The following BMPR1B variants were observed in gnomAD, a reference collection of about 807,000 sequenced individuals.
BMPR1B encodes the protein bone morphogenetic protein receptor type 1B, also known as bone morphogenetic protein receptor type-1B.
BMPR1B carries 12 observed loss-of-function variants against 59.1 expected under a neutral mutation model. The observed-to-expected ratio is 0.20, with a 90% CI of 0.13 to 0.33. The LOEUF (loss-of-function observed/expected upper bound fraction) is 0.33, where lower values mean the gene tolerates loss of function less well. Among genes scored for constraint, BMPR1B ranks in the 10% least tolerant of loss-of-function variants. BMPR1B has a pLI of 1.00. For synonymous variants in BMPR1B, 237 were observed against 207.3 expected (o/e 1.14, Z -1.23); for missense variants, 550 against 610.9 (o/e 0.90, Z 1.05).
intron 3 of BMPR1B, among the ~76,000 whole-genome samples, chr4:95,012,004 G>A (rs567711801): frequency 3.9e-4 from 59 of 151,390 alleles, no homozygotes; most frequent in African/African-American, 1.4e-3. Flanking sequence ...GGGCAACAGA[G>A]CAAGACTCTG....
At chr4:94,920,474 C>T (rs1267494160) in intron 2 of BMPR1B, among the ~76,000 whole-genome samples, 1 of 152,120 alleles carries the variant, frequency 6.6e-6, no homozygotes, top group African/African-American at 2.4e-5. Flanking sequence ...TTCACACAGC[C>T]GGCTACATTG....
intron 2 of BMPR1B, among the ~76,000 whole-genome samples, chr4:94,919,939 T>A (rs1352234895): frequency 6.6e-6 from 1 of 152,206 alleles, no homozygotes; most frequent in Non-Finnish European, 1.5e-5. Context: ...TTCTTTATTC[T>A]GTTGTTTGAA....
intron 3 of BMPR1B, among the ~76,000 whole-genome samples, chr4:95,006,376 C>CA (rs558859893): frequency 0.73 from 97,662 of 134,436 alleles, 35,367 homozygotes; most frequent in East Asian, 0.86. Flanking sequence ...GACTCCATCT[C>CA]AAAAAAAAAA....
At chr4:94,785,388 C>T (rs1293494635) in intron 1 of BMPR1B, among the ~76,000 whole-genome samples, 2 of 152,204 alleles carry the variant, frequency 1.3e-5, no homozygotes, top group Admixed American at 6.5e-5. Context: ...GCTGTAAGGA[C>T]TGCTAGTCGT....
At chr4:95,061,952 T>G (rs1727430201) in intron 3 of BMPR1B, among the ~76,000 whole-genome samples, 2 of 152,116 alleles carry the variant, frequency 1.3e-5, no homozygotes, top group Non-Finnish European at 2.9e-5. Context: ...TCTGATGGTT[T>G]AAAAGTGTGT....
intron 2 of BMPR1B, among the ~76,000 whole-genome samples, chr4:94,942,456 AATTTT>A (rs1354677373): frequency 2.0e-5 from 3 of 152,202 alleles, no homozygotes; most frequent in African/African-American, 7.2e-5. Flanking sequence ...AACCTCTGGA[AATTTT>A]ATTATTCATG....
intron 1 of BMPR1B, among the ~76,000 whole-genome samples, chr4:94,837,844 A>C (rs1367408202): frequency 1.4e-5 from 2 of 143,594 alleles, no homozygotes; most frequent in Admixed American, 1.4e-4. Context: ...GCCAGTTTTC[A>C]AAGGGAATGC....
At chr4:94,985,281 G>C (rs972596366) in intron 2 of BMPR1B, among the ~76,000 whole-genome samples, 1 of 152,090 alleles carries the variant, frequency 6.6e-6, no homozygotes, top group African/African-American at 2.4e-5. Context: ...ACTAGATTGT[G>C]ATCATTTCAG....
At chr4:94,979,968 G>A (rs1731172059) in intron 2 of BMPR1B, among the ~76,000 whole-genome samples, 1 of 152,196 alleles carries the variant, frequency 6.6e-6, no homozygotes, top group Non-Finnish European at 1.5e-5. Context: ...GGGGGTACCA[G>A]GTATGCAGCA....
rs1721996968 is a variant in BMPR1B at position 94,767,047 on chromosome 4, A to AT, written c.-183+8984dup. 5.3e-5 allele frequency among the ~76,000 whole-genome samples: 8 copies of AT among 152,228 alleles called. No individual in the cohort carries two copies. In the South Asian group the frequency reaches 1.7e-3, roughly 32 times the overall value. On this transcript the variant is annotated intron_variant, in intron 1 of 12. Transcript: ENST00000515059. The stretch of plus-strand genomic sequence containing the variant: ...GGAGTAGGTGACCTCAGGTTGCTTC[A>AT]TTTTTATGAGTCATTCCAGTCTTCT...
At chr4:95,126,222 G>A (rs1005511167) in intron 8 of BMPR1B, among the ~76,000 whole-genome samples, 1 of 152,164 alleles carries the variant, frequency 6.6e-6, no homozygotes, top group African/African-American at 2.4e-5. Context: ...CTTTGGGGTA[G>A]AGGTTACATT....
At chr4:95,038,343 C>T (rs747045572) in intron 3 of BMPR1B, among the ~76,000 whole-genome samples, 10 of 152,130 alleles carry the variant, frequency 6.6e-5, no homozygotes, top group Non-Finnish European at 8.8e-5. Flanking sequence ...CATAAGCATC[C>T]GGTCTAGGAT....
At chr4:94,802,611 T>G (rs1578660735) in intron 1 of BMPR1B, among the ~76,000 whole-genome samples, 1 of 152,304 alleles carries the variant, frequency 6.6e-6, no homozygotes, top group Admixed American at 6.5e-5. Flanking sequence ...ATGGAGTATC[T>G]TAGTGGAAGT....
chr4:95,061,045 A>AAAATG (rs5860389), intron 3 of BMPR1B, among the ~76,000 whole-genome samples: 146,958 of 151,890 alleles, frequency 0.97, 71,118 homozygotes, highest in Middle Eastern at 0.99. Context: ...GATTGTTGTT[A>AAAATG]TCATTAACTG....
intron 10 of BMPR1B, among the ~76,000 whole-genome samples, chr4:95,135,000 A>G (rs1733663928): frequency 6.6e-6 from 1 of 152,224 alleles, no homozygotes; most frequent in Non-Finnish European, 1.5e-5. Context: ...TTTAGGTCTC[A>G]CATTTAAATC....
chr4:94,911,728 CCTT>C (rs1176233457), intron 2 of BMPR1B, among the ~76,000 whole-genome samples: 2 of 152,098 alleles, frequency 1.3e-5, no homozygotes, highest in Non-Finnish European at 1.5e-5. Flanking sequence ...GTATTTTCAA[CCTT>C]CTTTCTGCTT....
intron 1 of BMPR1B, among the ~76,000 whole-genome samples, chr4:94,821,476 A>C (rs1724206435): frequency 6.6e-6 from 1 of 152,158 alleles, no homozygotes; most frequent in Non-Finnish European, 1.5e-5. Flanking sequence ...TAATTTTTTT[A>C]CTTAAACTCT....
chr4:94,947,159 G>A lies in BMPR1B; in HGVS notation c.-112-48881G>A, dbSNP rs1228151280. 2.6e-5 allele frequency among the ~76,000 whole-genome samples: 4 copies of A among 152,230 alleles called. No homozygotes were observed. In the East Asian group the frequency reaches 7.7e-4, roughly 29 times the overall value. Reference sequence around the variant, plus strand: ...AAACGGATGTGAGGTCGTGATTTGTGTGTTTTTGTGATTCACTTTAGATTA... The same window carrying A: ...AAACGGATGTGAGGTCGTGATTTGTATGTTTTTGTGATTCACTTTAGATTA... On this transcript the variant is annotated intron_variant, in intron 2 of 12. Transcript: ENST00000515059.
At chr4:94,869,545 C>G (rs1251331263) in intron 1 of BMPR1B, among the ~76,000 whole-genome samples, 1 of 152,090 alleles carries the variant, frequency 6.6e-6, no homozygotes, top group Non-Finnish European at 1.5e-5. Flanking sequence ...TGCATATGGG[C>G]TATACTTCAT....
Sources: allele counts gnomAD v4.1 joint callset (sites outside exome capture counted in the v4.1 genomes callset), GRCh38; gene constraint gnomAD v4.1.1; transcripts MANE v1.5; gene names NCBI Gene and HGNC (gene_info 2026-07-23, HGNC 2026-07-21).